The following AGBL1 variants were observed in gnomAD, a reference collection of about 807,000 sequenced individuals.
AGBL1 encodes the protein AGBL carboxypeptidase 1, also known as cytosolic carboxypeptidase 4.
Under a neutral mutation model 118.9 loss-of-function variants are expected in AGBL1, and 130 were observed. The ratio of observed to expected loss-of-function variants is 1.09; its 90% CI spans 0.95 to 1.26. The LOEUF (loss-of-function observed/expected upper bound fraction) is 1.26, where lower values mean the gene tolerates loss of function less well. Ranked by LOEUF, AGBL1 falls within the 50% of genes most tolerant of loss-of-function variation. The pLI, the probability that AGBL1 is intolerant of heterozygous loss-of-function variation, is 0.00. For synonymous variants in AGBL1, 555 were observed against 478.9 expected (o/e 1.16, Z -2.08); for missense variants, 1,584 against 1,298.1 (o/e 1.22, Z -3.38).
At chr15:86,144,360 C>A (rs1227649070) in intron 3 of AGBL1, among the ~76,000 whole-genome samples, 1 of 152,130 alleles carries the variant, frequency 6.6e-6, no homozygotes. Context: ...ATAAAGACAC[C>A]TGCATGCATT....
chr15:86,279,565 T>TAG, intron 15 of AGBL1, 74 bp from the exon 16 acceptor site: 1 of 1,441,726 alleles, frequency 6.9e-7, no homozygotes. Context: ...TTATAGCATC[T>TAG]AGGACCCTAA....
intron 18 of AGBL1, among the ~76,000 whole-genome samples, chr15:86,515,806 CTCAA>C (rs1369021638): frequency 6.6e-6 from 1 of 152,188 alleles, no homozygotes; most frequent in Non-Finnish European, 1.5e-5. Context: ...TGAGACAGAT[CTCAA>C]TCAATTTAAA....
intron 21 of AGBL1, among the ~76,000 whole-genome samples, chr15:86,626,024 C>G (rs2084881888): frequency 6.6e-6 from 1 of 152,008 alleles, no homozygotes; most frequent in Non-Finnish European, 1.5e-5. Flanking sequence ...AAAGGATGAG[C>G]TAGCTGGAAG....
chr15:86,542,768 C>A (rs918045795), intron 19 of AGBL1, among the ~76,000 whole-genome samples: 4 of 152,136 alleles, frequency 2.6e-5, no homozygotes, highest in Non-Finnish European at 5.9e-5. Flanking sequence ...CATCAACCAT[C>A]GTATCTCGCT....
chr15:86,853,546 T>C (rs1377185556), intron 22 of AGBL1, among the ~76,000 whole-genome samples: 1 of 152,180 alleles, frequency 6.6e-6, no homozygotes, highest in African/African-American at 2.4e-5. Context: ...AGAGCTGGAA[T>C]CAGGATCTGC....
chr15:86,873,416 T>C (rs138147540), intron 22 of AGBL1, among the ~76,000 whole-genome samples: 49 of 152,308 alleles, frequency 3.2e-4, no homozygotes, highest in African/African-American at 1.1e-3. Context: ...CTTTCAAAGA[T>C]GTTTGAAAAA....
At chr15:86,926,538 G>T (rs535394903) in intron 23 of AGBL1, among the ~76,000 whole-genome samples, 2 of 152,290 alleles carry the variant, frequency 1.3e-5, no homozygotes, top group Admixed American at 6.5e-5. Flanking sequence ...CCCAAAAGAA[G>T]CAAGTCAATT....
chr15:86,100,281 G>A (rs1193829558), intron 1 of AGBL1, among the ~76,000 whole-genome samples: 1 of 152,086 alleles, frequency 6.6e-6, no homozygotes, highest in African/African-American at 2.4e-5. Flanking sequence ...ATGTTGGCAT[G>A]CAGTGTTCTT....
At chr15:86,682,327 A>G (rs948077091) in intron 22 of AGBL1, among the ~76,000 whole-genome samples, 1 of 152,210 alleles carries the variant, frequency 6.6e-6, no homozygotes, top group African/African-American at 2.4e-5. Flanking sequence ...AAACAATAGC[A>G]AAAAACAAAC....
chr15:86,208,417 C>G (rs1326480498), intron 5 of AGBL1, among the ~76,000 whole-genome samples: 1 of 152,160 alleles, frequency 6.6e-6, no homozygotes, highest in Non-Finnish European at 1.5e-5. Flanking sequence ...CTTTGTACCT[C>G]TGGTAGAATT....
intron 22 of AGBL1, among the ~76,000 whole-genome samples, chr15:86,823,924 AC>A (rs2078973821): frequency 6.6e-6 from 1 of 152,104 alleles, no homozygotes; most frequent in South Asian, 2.1e-4. Context: ...GAGGAGAATT[AC>A]CTCAACAATA....
chr15:86,287,146 A>T (rs893079050), intron 16 of AGBL1, among the ~76,000 whole-genome samples: 19 of 152,018 alleles, frequency 1.2e-4, no homozygotes, highest in African/African-American at 4.6e-4. Flanking sequence ...GGCCATTTGT[A>T]TGTCTTCTGT....
chr15:86,358,021 T>G (rs554717583), intron 17 of AGBL1, among the ~76,000 whole-genome samples: 1 of 152,222 alleles, frequency 6.6e-6, no homozygotes, highest in African/African-American at 2.4e-5. Flanking sequence ...TACTTATAAT[T>G]TTTTTGTGGT....
rs555704883 is a variant in AGBL1, at chr15:86,266,298, T to C, written c.1668-76T>C. On this transcript the variant is annotated intron_variant, in intron 11 of 22. Coordinates refer to ENST00000614907, the MANE Select transcript of AGBL1 (RefSeq NM_001386094.1). ...ATTTTTCTGGTGACCCCCAAAGTTC[T>C]TCCCAGGTGATCACAGGATGAGTGA... is the stretch of plus-strand genomic sequence containing the variant. 5 of 1,109,836 alleles carry C rather than the reference T, an allele frequency of 4.5e-6. No individual in the cohort carries two copies. The South Asian group carries it at 5.0e-5, about 11-fold the overall frequency. The allele number at this position is 1,109,836 out of a possible 1,614,324, so 68.7% of individuals were successfully genotyped here.
At chr15:86,905,950 A>G (rs2080275129) in intron 22 of AGBL1, among the ~76,000 whole-genome samples, 1 of 152,192 alleles carries the variant, frequency 6.6e-6, no homozygotes, top group African/African-American at 2.4e-5. Flanking sequence ...CATTCAGGCA[A>G]TGTCCCACCA....
intron 18 of AGBL1, among the ~76,000 whole-genome samples, chr15:86,477,539 T>G (rs925324315): frequency 3.7e-4 from 57 of 152,054 alleles, no homozygotes; most frequent in African/African-American, 1.4e-3. Flanking sequence ...CAGGAAGAAG[T>G]TGAATCTCTG....
intron 18 of AGBL1, among the ~76,000 whole-genome samples, chr15:86,467,888 G>T (rs1202797866): frequency 6.6e-6 from 1 of 152,086 alleles, no homozygotes; most frequent in African/African-American, 2.4e-5. Context: ...CTCTGTGTTG[G>T]TCTGGCTGGG....
chr15:86,646,063 G>A (rs572807644), intron 21 of AGBL1, among the ~76,000 whole-genome samples: 142 of 152,298 alleles, frequency 9.3e-4, no homozygotes, highest in Non-Finnish European at 1.6e-3. Context: ...GCCAGGTTGG[G>A]AGTGTATCTT....
At chr15:86,163,632 G>T (rs757150031) in intron 5 of AGBL1, among the ~76,000 whole-genome samples, 1 of 152,070 alleles carries the variant, frequency 6.6e-6, no homozygotes, top group Non-Finnish European at 1.5e-5. Flanking sequence ...GGAGGCTGAG[G>T]CAGGAGAATC....
Sources: gnomAD v4.1 joint callset for allele counts (sites outside exome capture counted in the v4.1 genomes callset) on GRCh38, gnomAD v4.1.1 for gene constraint, MANE v1.5 for transcripts, NCBI Gene and HGNC (gene_info 2026-07-23, HGNC 2026-07-21) for gene names.